Variants in ATP6V1H observed in about 807,000 individuals in gnomAD.
The protein encoded by ATP6V1H is ATPase H+ transporting V1 subunit H.
ATP6V1H carries 39 observed loss-of-function variants against 71.7 expected under a neutral mutation model. That is an observed-to-expected ratio of 0.54 (90% CI 0.42 to 0.71). The LOEUF (loss-of-function observed/expected upper bound fraction) is 0.71, where lower values mean the gene tolerates loss of function less well. Ranked by LOEUF, ATP6V1H falls within the 30% of genes least tolerant of loss-of-function variation. ATP6V1H has a pLI of 0.00. For missense variants in ATP6V1H, 509 were observed against 594.9 expected, an observed-to-expected ratio of 0.86 and a Z score of 1.50; for synonymous variants, 192 against 199.3, an observed-to-expected ratio of 0.96 and a Z score of 0.31.
chr8:53,811,824 C>T (rs1420132152), intron 6 of ATP6V1H, among the ~76,000 whole-genome samples: 2 of 152,256 alleles, frequency 1.3e-5, no homozygotes, highest in East Asian at 3.9e-4. Context: ...CTATGAAGTA[C>T]AGGCATGAGT....
chr8:53,744,289 G>A (rs776759293), intron 12 of ATP6V1H, among the ~76,000 whole-genome samples: 3 of 152,084 alleles, frequency 2.0e-5, no homozygotes, highest in African/African-American at 7.2e-5. Flanking sequence ...CGAGACCACC[G>A]AGATGACTGA....
intron 9 of ATP6V1H, among the ~76,000 whole-genome samples, chr8:53,781,558 G>C (rs1272762185): frequency 2.0e-5 from 3 of 152,190 alleles, no homozygotes; most frequent in African/African-American, 7.2e-5. Flanking sequence ...GACACCATTT[G>C]TCAATTTTGT....
At chr8:53,741,674 T>C (rs1029412508) in intron 13 of ATP6V1H, among the ~76,000 whole-genome samples, 1 of 152,222 alleles carries the variant, frequency 6.6e-6, no homozygotes, top group African/African-American at 2.4e-5. Flanking sequence ...AATCCTGTGA[T>C]GTATCCTATG....
At chr8:53,754,695 T>C (rs1241222602) in intron 12 of ATP6V1H, among the ~76,000 whole-genome samples, 3 of 152,188 alleles carry the variant, frequency 2.0e-5, no homozygotes, top group Admixed American at 2.0e-4. Flanking sequence ...CTGGCTTCCA[T>C]GAAGTATAAT....
In ATP6V1H at chr8:53,800,452, T is replaced by G. The variant is rs551619504; in HGVS notation, c.677+1347A>C. Among the ~76,000 whole-genome samples the G allele has an allele frequency of 2.6e-5, 4 of 152,344 alleles. No individual in the cohort carries two copies. The South Asian group carries it at 8.3e-4, about 32-fold the overall frequency. On this transcript the variant is annotated intron_variant, in intron 8 of 13. Coordinates refer to ENST00000359530, the MANE Select transcript of ATP6V1H (RefSeq NM_015941.4). ...TATTCAGAAGATGAAAACAAAGAGA[T>G]AGATTGCACTCTATTCTCTAACAAT...
At chr8:53,809,282 T>TC (rs1810197278) in intron 7 of ATP6V1H, among the ~76,000 whole-genome samples, 1 of 152,182 alleles carries the variant, frequency 6.6e-6, no homozygotes, top group South Asian at 2.1e-4. Context: ...AGGCACATAG[T>TC]TAAGTGCTCA....
At chr8:53,839,793 T>C (rs1464562565) in intron 2 of ATP6V1H, 9 of 985,340 alleles carry the variant, frequency 9.1e-6, no homozygotes, top group Admixed American at 6.1e-5. Context: ...ATCATTTTCA[T>C]CTGTTTTACA....
At chr8:53,813,127 C>T (rs1369022015) in intron 6 of ATP6V1H, among the ~76,000 whole-genome samples, 2 of 152,212 alleles carry the variant, frequency 1.3e-5, no homozygotes, top group Non-Finnish European at 2.9e-5. Context: ...CTTTCACAAG[C>T]ATGTTTCTTA....
chr8:53,811,210 C>A lies in ATP6V1H; in HGVS notation c.533G>T (p.Arg178Leu), dbSNP rs377396102. 6.2e-7 allele frequency: 1 copy of A among 1,613,014 alleles called. No homozygotes were observed. Among genetic ancestry groups the A allele is most frequent in the South Asian group, 1.1e-5 (1 of 91,010 alleles). ...IKTQLSSQKLRGSGVAVETGT... is the reference protein window; with the variant it reads ...IKTQLSSQKLLGSGVAVETGT... ...TGTTTCAACAGCAACACCGCTACCACGCAGTTTCTATTACGAAATAAATAA... is the reference window on the plus strand; with the variant it reads ...TGTTTCAACAGCAACACCGCTACCAAGCAGTTTCTATTACGAAATAAATAA... Residue 178 changes from arginine (R) to leucine (L), a missense_variant, in exon 7 of 14, where the codon CGT (arginine) becomes CTT (leucine). This residue lies in a region of ATP6V1H where 297 missense variants were observed against 303.3 expected (regional missense o/e 0.98). Transcript: ENST00000359530.
Position 53,715,856 on chromosome 8 carries a change from A to G in ATP6V1H, c.*108T>C. 1.1e-6 allele frequency: 1 copy of G among 913,724 alleles called. No individual in the cohort carries two copies. The highest frequency in any genetic ancestry group is 1.6e-6 in the Non-Finnish European group (1 of 608,436). 56.6% of individuals were successfully genotyped at this position (913,724 alleles called of 1,614,324 possible). A position where few individuals can be genotyped will look rare whatever the true frequency, so the allele number is the denominator to read the frequency against. ...AAATTAGCATTGGGAAAAGCTATAT[A>G]ACAGAGGAAATTCCAAGTAAAATCA... On this transcript the variant is annotated 3_prime_UTR_variant, in exon 14 of 14. Coordinates refer to ENST00000359530, the MANE Select transcript of ATP6V1H (RefSeq NM_015941.4).
chr8:53,718,458 A>G (rs1428160567), intron 13 of ATP6V1H, among the ~76,000 whole-genome samples: 1 of 145,964 alleles, frequency 6.9e-6, no homozygotes, highest in Non-Finnish European at 1.5e-5. Context: ...GTGCAGTCAC[A>G]GCTCACTGCA....
In ATP6V1H at chr8:53,786,019, C is replaced by G. The variant is rs569921513; in HGVS notation, c.870+9628G>C. Among the ~76,000 whole-genome samples, 5 of 152,342 alleles carry G rather than the reference C, an allele frequency of 3.3e-5. No individual in the cohort carries two copies. The South Asian group carries it at 1.0e-3, about 32-fold the overall frequency. On this transcript the variant is annotated intron_variant, in intron 9 of 13. Coordinates refer to ENST00000359530, the MANE Select transcript of ATP6V1H (RefSeq NM_015941.4). ...CTTGAGGAGGTAGTCTGCCCATTCT[C>G]AGATCTCAAGCTGCGTGCTGGGAGA...
chr8:53,817,422 G>T lies in ATP6V1H; in HGVS notation c.415C>A (p.His139Asn). The change falls in exon 5 of 14, where the codon CAT becomes AAT. Residue 139 changes from histidine to asparagine, a missense_variant. By Grantham distance (68) the His-to-Asn change is moderately conservative. Transcript: ENST00000359530. ...CCAATCAATTCAAAATTTACCATATGAACAGTGAAGGGATCCTGGCGATTC... is the reference window on the plus strand; with the variant it reads ...CCAATCAATTCAAAATTTACCATATTAACAGTGAAGGGATCCTGGCGATTC... Reference protein sequence around the residue: ...MLNRQDPFTVHMAARIIAKLA... With the variant: ...MLNRQDPFTVNMAARIIAKLA... 2 of 1,604,138 alleles carry T rather than the reference G, an allele frequency of 1.2e-6. No homozygotes were observed. The highest frequency in any genetic ancestry group is 1.1e-5 in the South Asian group (1 of 90,612).
chr8:53,717,694 C>T (rs1806472425), intron 13 of ATP6V1H, among the ~76,000 whole-genome samples: 1 of 151,786 alleles, frequency 6.6e-6, no homozygotes, highest in African/African-American at 2.4e-5. Context: ...ATGCCTGCAA[C>T]TTGGGAGCAT....
intron 13 of ATP6V1H, among the ~76,000 whole-genome samples, chr8:53,737,838 G>T (rs1290116843): frequency 6.6e-6 from 1 of 152,010 alleles, no homozygotes; most frequent in Admixed American, 6.5e-5. Context: ...ACATCAAAAG[G>T]TACCTTTCTT....
At chr8:53,804,235 T>C (rs1264671439) in intron 7 of ATP6V1H, among the ~76,000 whole-genome samples, 1 of 152,174 alleles carries the variant, frequency 6.6e-6, no homozygotes, top group South Asian at 2.1e-4. Context: ...GTAGAGTGCA[T>C]TACTTCCTGG....
chr8:53,726,401 C>T (rs1806814431), intron 13 of ATP6V1H, among the ~76,000 whole-genome samples: 1 of 151,910 alleles, frequency 6.6e-6, no homozygotes, highest in Non-Finnish European at 1.5e-5. Context: ...TATACAGTAA[C>T]AATTTTTTTA....
At chr8:53,771,790 G>A (rs370185457) in intron 10 of ATP6V1H, among the ~76,000 whole-genome samples, 199 bp downstream of exon 10, 3 of 152,266 alleles carry the variant, frequency 2.0e-5, no homozygotes, top group East Asian at 1.9e-4. Context: ...GGGAATCTCC[G>A]TAAATAAGAA....
chr8:53,817,363 C>T, intron 5 of ATP6V1H, 54 bp downstream of exon 5: 1 of 1,223,408 alleles, frequency 8.2e-7, no homozygotes, highest in African/African-American at 1.5e-5. Context: ...CATAGTGAGA[C>T]CCTCTCTCTT....
Sources: allele counts gnomAD v4.1 joint callset (sites outside exome capture counted in the v4.1 genomes callset), GRCh38; gene constraint gnomAD v4.1.1; regional missense constraint gnomAD v4.1.1; transcripts MANE v1.5; gene names NCBI Gene and HGNC (gene_info 2026-07-23, HGNC 2026-07-21).